ITPRID1: variants seen among roughly 807,000 people sequenced by gnomAD.
ITPRID1 encodes protein ITPRID1.
ITPRID1 carries 96 observed loss-of-function variants against 95.4 expected under a neutral mutation model. The ratio of observed to expected loss-of-function variants is 1.01; its 90% CI spans 0.85 to 1.19. The LOEUF is 1.19. Among genes scored for constraint, ITPRID1 ranks in the 50% most tolerant of loss-of-function variants. The probability of loss-of-function intolerance (pLI) is 0.00; values close to 1 mark genes in which losing one functional copy is unlikely to be tolerated. For missense variants in ITPRID1, 1,339 were observed against 1,252.9 expected (o/e 1.07, Z -1.04); for synonymous variants, 510 against 453.6 (o/e 1.12, Z -1.58).
chr7:31,533,967 T>G (rs1243324624), intron 1 of ITPRID1, among the ~76,000 whole-genome samples: 1 of 152,094 alleles, frequency 6.6e-6, no homozygotes, highest in Non-Finnish European at 1.5e-5. Context: ...GAGTGGCAGG[T>G]GAGCAAGCAT....
intron 10 of ITPRID1, among the ~76,000 whole-genome samples, chr7:31,623,497 C>T (rs1207154477): frequency 6.6e-6 from 1 of 151,056 alleles, no homozygotes; most frequent in South Asian, 2.2e-4. Flanking sequence ...GAACCAAAGA[C>T]AAAAATGACA....
chr7:31,623,757 G>A (rs1788161303), intron 10 of ITPRID1, among the ~76,000 whole-genome samples: 2 of 150,520 alleles, frequency 1.3e-5, no homozygotes, highest in Admixed American at 1.3e-4. Context: ...CATAGTGTTG[G>A]AAGTTCTGGC....
intron 1 of ITPRID1, among the ~76,000 whole-genome samples, chr7:31,538,182 C>T (rs183832257): frequency 3.3e-5 from 5 of 152,274 alleles, no homozygotes; most frequent in Non-Finnish European, 2.9e-5. Context: ...CTCTCATGTA[C>T]TCTTCCCATT....
chr7:31,531,921 TAAG>T (rs1783610913), intron 1 of ITPRID1, among the ~76,000 whole-genome samples: 1 of 152,090 alleles, frequency 6.6e-6, no homozygotes, highest in Non-Finnish European at 1.5e-5. Flanking sequence ...TACAATCACA[TAAG>T]GAGGAGAAGT....
intron 5 of ITPRID1, among the ~76,000 whole-genome samples, chr7:31,558,863 A>G (rs1377615299): frequency 6.6e-6 from 1 of 152,196 alleles, no homozygotes; most frequent in Non-Finnish European, 1.5e-5. Flanking sequence ...TTTGGGTGGC[A>G]GAAAAGAATG....
chr7:31,650,245 C>T (rs753141694), intron 12 of ITPRID1, among the ~76,000 whole-genome samples: 15 of 152,176 alleles, frequency 9.9e-5, no homozygotes, highest in African/African-American at 1.4e-4. Context: ...CAGGTGTTGG[C>T]GAAAGCAAAC....
Position 31,554,482 on chromosome 7 carries a change from C to T in ITPRID1, c.171C>T (p.Ser57=). The change falls in exon 4 of 15, where the codon TCC becomes TCT. Residue 57 remains serine, a synonymous_variant. Transcript: ENST00000615280. ...QSLTIPMLED[S]KQESIQQWLD... ...GTTCTTTCTTACTTGTAGAAGATTC[C>T]AAGCAAGAAAGTATTCAGCAGTGGC... is the stretch of plus-strand genomic sequence containing the variant. 6.2e-7 allele frequency: 1 copy of T among 1,612,580 alleles called. No individual in the cohort carries two copies. Among genetic ancestry groups the T allele is most frequent in the Admixed American group, 1.7e-5 (1 of 59,884 alleles).
chr7:31,642,638 T>G (rs748002921), intron 11 of ITPRID1, 44 bp from the exon 12 acceptor site: 1 of 1,560,406 alleles, frequency 6.4e-7, no homozygotes. Flanking sequence ...TATTGCCTCC[T>G]CCACTTCCTG....
intron 10 of ITPRID1, among the ~76,000 whole-genome samples, chr7:31,636,880 C>T (rs1198442716): frequency 6.1e-5 from 6 of 97,836 alleles, no homozygotes; most frequent in African/African-American, 2.3e-4. Flanking sequence ...CCTCCCCCCT[C>T]CCCCCTCCCC....
chr7:31,626,892 T>C (rs916249016), intron 10 of ITPRID1, among the ~76,000 whole-genome samples: 6 of 152,216 alleles, frequency 3.9e-5, no homozygotes, highest in African/African-American at 9.6e-5. Context: ...AAATGTTTGT[T>C]TGTGGGATAA....
rs1784919014 is a variant in ITPRID1, at chr7:31,569,749, T to A, written c.257-9T>A. The A allele has an allele frequency of 2.5e-6, 4 of 1,574,114 alleles. No homozygotes were observed. Among genetic ancestry groups the A allele is most frequent in the Non-Finnish European group, 3.5e-6 (4 of 1,158,512 alleles). Reference sequence around the variant, plus strand: ...ATAAAGTTCCCCTCTACTTTTTTTGTTGTTGCAGTTTCTTTGTATGAACAA... The same window carrying A: ...ATAAAGTTCCCCTCTACTTTTTTTGATGTTGCAGTTTCTTTGTATGAACAA... On this transcript the variant is annotated splice_polypyrimidine_tract_variant and intron_variant, in intron 5 of 14. Coordinates refer to ENST00000615280, the MANE Select transcript of ITPRID1 (RefSeq NM_001257967.3).
chr7:31,645,659 C>T (rs1790400483), intron 12 of ITPRID1, among the ~76,000 whole-genome samples: 1 of 152,056 alleles, frequency 6.6e-6, no homozygotes, highest in African/African-American at 2.4e-5. Context: ...ATTTTAAATG[C>T]CCTAAGTAAA....
At chr7:31,621,761 A>C (rs1013305873) in intron 10 of ITPRID1, among the ~76,000 whole-genome samples, 1 of 148,450 alleles carries the variant, frequency 6.7e-6, no homozygotes, top group Non-Finnish European at 1.5e-5. Context: ...TAACAATATT[A>C]ACTTTAAATG....
At chr7:31,593,480 A>T (rs1785952422) in intron 10 of ITPRID1, among the ~76,000 whole-genome samples, 1 of 152,216 alleles carries the variant, frequency 6.6e-6, no homozygotes, top group Admixed American at 6.5e-5. Flanking sequence ...AGTTCAAAGA[A>T]GAAATATAAA....
rs1161177105 is a variant in ITPRID1, at chr7:31,656,191, T to C, written c.*3362T>C. 4.1e-6 allele frequency: 1 copy of C among 243,530 alleles called. No homozygotes were observed. Among genetic ancestry groups the C allele is most frequent in the Non-Finnish European group, 6.6e-6 (1 of 151,866 alleles). The allele number at this position is 243,530 out of a possible 1,614,324, so 15.1% of individuals were successfully genotyped here. On this transcript the variant is annotated 3_prime_UTR_variant, in exon 15 of 15. Coordinates refer to ENST00000615280, the MANE Select transcript of ITPRID1 (RefSeq NM_001257967.3). ...GTGTTACCATTATCTGTGTAGGTCATATCTTCTCTAGTAAACTTAAAGCTA... is the reference window on the plus strand; with the variant it reads ...GTGTTACCATTATCTGTGTAGGTCACATCTTCTCTAGTAAACTTAAAGCTA...
intron 10 of ITPRID1, among the ~76,000 whole-genome samples, chr7:31,622,820 C>G (rs1402439922): frequency 3.3e-5 from 5 of 152,040 alleles, no homozygotes; most frequent in Admixed American, 2.0e-4. Flanking sequence ...AATCCAGGAG[C>G]TGGTTTTTTG....
chr7:31,575,300 G>A (rs1234483625), intron 8 of ITPRID1, among the ~76,000 whole-genome samples: 1 of 152,194 alleles, frequency 6.6e-6, no homozygotes, highest in East Asian at 1.9e-4. Context: ...TCATTTATGA[G>A]ATTTAGAACA....
chr7:31,577,763 GA>G (rs1785236396), intron 8 of ITPRID1, 99 bp from the exon 9 acceptor site: 1 of 1,005,568 alleles, frequency 9.9e-7, no homozygotes, highest in Admixed American at 2.9e-5. Flanking sequence ...TTCCTATCTT[GA>G]AAATTTCATG....
At position 31,575,816 on chromosome 7, in the gene ITPRID1, G is replaced by C. The variant is rs148531729; in HGVS notation, c.598+1074G>C. 2.0e-5 allele frequency among the ~76,000 whole-genome samples: 3 copies of C among 152,250 alleles called. No homozygotes were observed. In the East Asian group the frequency reaches 5.8e-4, roughly 29 times the overall value. Reference sequence around the variant, plus strand: ...ATCTGGAACAGGGACTTCACTTGGAGTTCTCATTTTAGCTCCCGTTTCTCC... The same window carrying C: ...ATCTGGAACAGGGACTTCACTTGGACTTCTCATTTTAGCTCCCGTTTCTCC... On this transcript the variant is annotated intron_variant, in intron 8 of 14. Transcript: ENST00000615280.
Sources: gnomAD v4.1 joint callset for allele counts (sites outside exome capture counted in the v4.1 genomes callset) on GRCh38, gnomAD v4.1.1 for gene constraint, MANE v1.5 for transcripts, NCBI Gene and HGNC (gene_info 2026-07-23, HGNC 2026-07-21) for gene names.